Variants in RIMS1 observed in about 807,000 individuals in gnomAD.
RIMS1 encodes the protein regulating synaptic membrane exocytosis 1.
RIMS1 carries 83 observed loss-of-function variants against 214.1 expected under a neutral mutation model. The ratio of observed to expected loss-of-function variants is 0.39; its 90% CI spans 0.32 to 0.47. RIMS1 has a LOEUF of 0.47. Among genes scored for constraint, RIMS1 ranks in the 20% least tolerant of loss-of-function variants. The probability of loss-of-function intolerance (pLI) is 0.99; values close to 1 mark genes in which losing one functional copy is unlikely to be tolerated. For missense variants in RIMS1, 2,050 were observed against 2,161.8 expected (o/e 0.95, Z 1.03); for synonymous variants, 793 against 786.8 (o/e 1.01, Z -0.13).
At chr6:72,003,879 A>C (rs192753246) in intron 2 of RIMS1, among the ~76,000 whole-genome samples, 4 of 148,974 alleles carry the variant, frequency 2.7e-5, no homozygotes, top group Admixed American at 1.3e-4. Flanking sequence ...TTTTTTAATT[A>C]TTATTATACT....
rs77637343 is a variant in RIMS1, at chr6:72,326,690, T to G, written c.4131-6910T>G. ...ACCCCCATTCCAGAATTACTTGGTC[T>G]GATAGGCAGAACAATGTGCCCCCGA... On this transcript the variant is annotated intron_variant, in intron 28 of 33. Coordinates refer to ENST00000521978, the MANE Select transcript of RIMS1 (RefSeq NM_014989.7). 6.7e-3 allele frequency among the ~76,000 whole-genome samples: 1,013 copies of G among 151,942 alleles called. 3 individuals are homozygous for G. The highest frequency in any genetic ancestry group is 0.011 in the Non-Finnish European group (759 of 67,854).
At chr6:72,205,943 T>A (rs1480484225) in intron 6 of RIMS1, among the ~76,000 whole-genome samples, 2 of 152,176 alleles carry the variant, frequency 1.3e-5, no homozygotes, top group African/African-American at 4.8e-5. Context: ...AAGGGATTGC[T>A]AATTATATCT....
chr6:72,188,714 G>T (rs2153978092), intron 6 of RIMS1, among the ~76,000 whole-genome samples: 1 of 152,294 alleles, frequency 6.6e-6, no homozygotes, highest in East Asian at 1.9e-4. Context: ...CATTCCTGAG[G>T]GTCTGGGCCA....
At position 72,069,643 on chromosome 6, in the gene RIMS1, A is replaced by G. The variant is rs373743372; in HGVS notation, c.246-27306A>G. ...ACTTGCTTTACTCACCCTATGATCT[A>G]TATGTTGCTGCTCAAAACCTTCTTT... On this transcript the variant is annotated intron_variant, in intron 2 of 33. Transcript: ENST00000521978. Among the ~76,000 whole-genome samples, 121 of 152,256 alleles carry G rather than the reference A, an allele frequency of 7.9e-4. 3 individuals carry two copies. The South Asian group carries it at 0.025, about 31-fold the overall frequency.
chr6:72,149,165 C>A (rs1291087590), intron 4 of RIMS1, among the ~76,000 whole-genome samples: 1 of 152,166 alleles, frequency 6.6e-6, no homozygotes, highest in African/African-American at 2.4e-5. Flanking sequence ...ATTGCTGCAT[C>A]CTCCCTGTTT....
At position 72,233,768 on chromosome 6, in the gene RIMS1, C is replaced by A; in HGVS notation, c.1679-5C>A. 6.4e-7 allele frequency: 1 copy of A among 1,561,118 alleles called. No individual in the cohort carries two copies. The highest frequency in any genetic ancestry group is 2.3e-5 in the East Asian group (1 of 42,696). On this transcript the variant is annotated splice_region_variant and splice_polypyrimidine_tract_variant and intron_variant, in intron 6 of 33. Transcript: ENST00000521978. ...TACACTTTTCATTCTTTTTGTATTG[C>A]ACAGGTGATTTGGATTATTACTGGT...
chr6:72,270,029 C>T (rs1461016985), intron 22 of RIMS1, among the ~76,000 whole-genome samples: 1 of 152,094 alleles, frequency 6.6e-6, no homozygotes. Flanking sequence ...ATTTTATATA[C>T]TTCTATTAAA....
At position 72,049,665 on chromosome 6, in the gene RIMS1, G is replaced by A. The variant is rs186955264; in HGVS notation, c.246-47284G>A. On this transcript the variant is annotated intron_variant, in intron 2 of 33. Transcript: ENST00000521978. ...CTCCCAACCCTTAAAAAGACTTTGC[G>A]TATAATTTTTGCTTTGTAGACATAC... Among the ~76,000 whole-genome samples the A allele has an allele frequency of 2.6e-3, 389 of 152,206 alleles. 1 individual carries two copies. Among genetic ancestry groups the A allele is most frequent in the Non-Finnish European group, 3.4e-3 (232 of 68,010 alleles).
At chr6:71,933,395 A>G (rs527884943) in intron 1 of RIMS1, among the ~76,000 whole-genome samples, 52 of 152,248 alleles carry the variant, frequency 3.4e-4, no homozygotes, top group African/African-American at 1.1e-3. Flanking sequence ...CACAGAGTCA[A>G]TCATGGTGCC....
chr6:71,940,612 G>T (rs546298413), intron 1 of RIMS1, among the ~76,000 whole-genome samples: 8 of 152,178 alleles, frequency 5.3e-5, no homozygotes, highest in African/African-American at 1.9e-4. Flanking sequence ...TATTGCAATA[G>T]GGGAGAGAGA....
At position 71,961,131 on chromosome 6, in the gene RIMS1, GA is replaced by G. The variant is rs545576980; in HGVS notation, c.165-7851del. Among the ~76,000 whole-genome samples, 385 of 152,240 alleles carry G rather than the reference GA, an allele frequency of 2.5e-3. 12 individuals carry two copies. Among genetic ancestry groups the G allele is most frequent in the Admixed American group, 0.019 (291 of 15,274 alleles). ...AGGAACTGAGTTAGAAATACGTGAA[GA>G]GGTAGAGAAATAATTTTCATTCTCT... On this transcript the variant is annotated intron_variant, in intron 1 of 33. Coordinates refer to ENST00000521978, the MANE Select transcript of RIMS1 (RefSeq NM_014989.7).
intron 24 of RIMS1, among the ~76,000 whole-genome samples, chr6:72,290,025 G>A (rs1199884543): frequency 6.6e-6 from 1 of 151,912 alleles, no homozygotes; most frequent in Non-Finnish European, 1.5e-5. Context: ...ACATTTTCAG[G>A]TATTGTTATA....
intron 2 of RIMS1, among the ~76,000 whole-genome samples, chr6:71,980,414 AG>A (rs1798207433): frequency 6.6e-6 from 1 of 152,164 alleles, no homozygotes; most frequent in South Asian, 2.1e-4. Flanking sequence ...TGTGGGTAAA[AG>A]TTCAGGAGTC....
intron 6 of RIMS1, among the ~76,000 whole-genome samples, chr6:72,225,023 A>G (rs1014698096): frequency 5.9e-5 from 9 of 152,346 alleles, no homozygotes; most frequent in Middle Eastern, 3.4e-3. Context: ...CAGTCAAAGA[A>G]TTTCCAACTT....
chr6:72,361,629 C>T (rs1011753856), intron 29 of RIMS1, among the ~76,000 whole-genome samples: 4 of 152,044 alleles, frequency 2.6e-5, no homozygotes, highest in East Asian at 1.9e-4. Context: ...TTATAAATAC[C>T]GCGATTGCTT....
At chr6:72,028,517 G>A (rs1817189471) in intron 2 of RIMS1, among the ~76,000 whole-genome samples, 1 of 152,178 alleles carries the variant, frequency 6.6e-6, no homozygotes, top group African/African-American at 2.4e-5. Flanking sequence ...ATGTTTGACA[G>A]TCTTGTCCTA....
At position 72,250,431 on chromosome 6, in the gene RIMS1, T is replaced by C. The variant is rs751241899; in HGVS notation, c.2343T>C (p.Tyr781=). ...TAGATGGACGTCCTCGAAATCCCTA[T>C]GTAAAAATGTATTTTCTTCCAGATA... ...ARVDGRPRNP[Y]VKMYFLPDRS... The change falls in exon 13 of 34, where the codon TAT becomes TAC. Residue 781 remains tyrosine, a synonymous_variant. Coordinates refer to ENST00000521978, the MANE Select transcript of RIMS1 (RefSeq NM_014989.7). 52 of 1,598,916 alleles carry C rather than the reference T, an allele frequency of 3.3e-5. 1 individual carries two copies. Among genetic ancestry groups the C allele is most frequent in the Non-Finnish European group, 3.4e-6 (4 of 1,170,152 alleles).
At chr6:72,275,961 C>G (rs1330785314) in intron 23 of RIMS1, among the ~76,000 whole-genome samples, 7 of 152,220 alleles carry the variant, frequency 4.6e-5, no homozygotes, top group Non-Finnish European at 1.0e-4. Flanking sequence ...AATCCCAGCA[C>G]TTTGAGATGC....
At chr6:72,357,599 A>G (rs2097687563) in intron 29 of RIMS1, among the ~76,000 whole-genome samples, 1 of 152,178 alleles carries the variant, frequency 6.6e-6, no homozygotes, top group East Asian at 1.9e-4. Flanking sequence ...TTTTCTTTGC[A>G]GCAGGTTCAT....
Sources: allele counts gnomAD v4.1 joint callset (sites outside exome capture counted in the v4.1 genomes callset), GRCh38; gene constraint gnomAD v4.1.1; transcripts MANE v1.5; gene names NCBI Gene and HGNC (gene_info 2026-07-23, HGNC 2026-07-21).